Variants in UNC5D observed in about 807,000 individuals in gnomAD.
UNC5D encodes the protein unc-5 netrin receptor D, also known as netrin receptor UNC5D.
In UNC5D, 39 loss-of-function variants were observed where a neutral mutation model predicts 105.4. That is an observed-to-expected ratio of 0.37 (90% CI 0.29 to 0.48). UNC5D has a LOEUF of 0.48. Among genes scored for constraint, UNC5D ranks in the 20% least tolerant of loss-of-function variants. The pLI is 0.98. For synonymous variants in UNC5D, 452 were observed against 450.4 expected, an observed-to-expected ratio of 1.00 and a Z score of -0.04; for missense variants, 991 against 1,202.4, an observed-to-expected ratio of 0.82 and a Z score of 2.60.
chr8:35,494,210 A>C (rs1179453740), intron 1 of UNC5D, among the ~76,000 whole-genome samples: 1 of 152,180 alleles, frequency 6.6e-6, no homozygotes, highest in Non-Finnish European at 1.5e-5. Flanking sequence ...TATAAAGTTA[A>C]AATGATGCTA....
chr8:35,441,554 T>C (rs182467612), intron 1 of UNC5D, among the ~76,000 whole-genome samples: 3 of 151,990 alleles, frequency 2.0e-5, no homozygotes, highest in Non-Finnish European at 2.9e-5. Flanking sequence ...GTGCCTTGAA[T>C]TGTGAACTTT....
At chr8:35,641,173 T>C (rs1413771050) in intron 4 of UNC5D, among the ~76,000 whole-genome samples, 2 of 151,920 alleles carry the variant, frequency 1.3e-5, no homozygotes, top group South Asian at 2.1e-4. Flanking sequence ...TGTGTATATA[T>C]GAATATGACT....
rs192960244 is a variant in UNC5D at position 35,733,472 on chromosome 8, T to C, written c.1766+2376T>C. On this transcript the variant is annotated intron_variant, in intron 11 of 16. Coordinates refer to ENST00000404895, the MANE Select transcript of UNC5D (RefSeq NM_080872.4). ...CTTGTGCTGAGAAGAAGGCCCGTTT[T>C]CCTCGAAGTTCATGGAGCTGGAATG... 3.9e-5 allele frequency among the ~76,000 whole-genome samples: 6 copies of C among 152,290 alleles called. No individual in the cohort carries two copies. In the East Asian group the frequency reaches 9.7e-4, roughly 25 times the overall value.
At chr8:35,783,603 C>T (rs756824211) in intron 16 of UNC5D, among the ~76,000 whole-genome samples, 2 of 152,124 alleles carry the variant, frequency 1.3e-5, no homozygotes, top group African/African-American at 2.4e-5. Context: ...TAAGACAGAG[C>T]CTGAGCCCTG....
At chr8:35,759,249 C>A in intron 13 of UNC5D, 71 bp from the exon 14 acceptor site, 1 of 1,555,236 alleles carries the variant, frequency 6.4e-7, no homozygotes, top group Non-Finnish European at 8.8e-7. Flanking sequence ...GCATGTGTAT[C>A]CCTAGATAGG....
At chr8:35,686,514 T>C (rs757766417) in intron 6 of UNC5D, 31 bp from the exon 7 acceptor site, 8 of 1,534,534 alleles carry the variant, frequency 5.2e-6, no homozygotes, top group Middle Eastern at 1.8e-4. Flanking sequence ...TGATTCATTC[T>C]AACAATGGTT....
At chr8:35,305,148 A>G (rs916175494) in intron 1 of UNC5D, among the ~76,000 whole-genome samples, 51 of 152,126 alleles carry the variant, frequency 3.4e-4, no homozygotes, top group African/African-American at 1.2e-3. Flanking sequence ...AATATTTGAA[A>G]ACATATGAAA....
In UNC5D at chr8:35,791,852, A is replaced by G. The variant is rs1227587154; in HGVS notation, c.*1289A>G. The G allele has an allele frequency of 6.6e-6, 1 of 152,056 alleles. No homozygotes were observed. Among genetic ancestry groups the G allele is most frequent in the East Asian group, 1.9e-4 (1 of 5,190 alleles). The allele number at this position is 152,056 out of a possible 1,614,324, so 9.4% of individuals were successfully genotyped here. A position where few individuals can be genotyped will look rare whatever the true frequency, so the allele number is the denominator to read the frequency against. ...GATTTTTTTTTTTACATTAGGAGGC[A>G]GTGATATTGTGGAAGATTGAAATCC... On this transcript the variant is annotated 3_prime_UTR_variant, in exon 17 of 17. Coordinates refer to ENST00000404895, the MANE Select transcript of UNC5D (RefSeq NM_080872.4).
At chr8:35,633,420 C>T (rs1350485478) in intron 4 of UNC5D, among the ~76,000 whole-genome samples, 2 of 151,986 alleles carry the variant, frequency 1.3e-5, no homozygotes, top group Non-Finnish European at 2.9e-5. Context: ...TTCTTTTAGC[C>T]TCTTTTTTTA....
intron 3 of UNC5D, among the ~76,000 whole-genome samples, chr8:35,572,009 G>A (rs146138648): frequency 4.7e-4 from 71 of 152,160 alleles, no homozygotes; most frequent in Middle Eastern, 6.8e-3. Context: ...GCCATGGGCC[G>A]GGTACAGTGG....
chr8:35,401,132 A>C (rs913782044), intron 1 of UNC5D, among the ~76,000 whole-genome samples: 11 of 152,270 alleles, frequency 7.2e-5, no homozygotes, highest in Non-Finnish European at 1.6e-4. Context: ...AAAAGGAAAC[A>C]GTCCATTTAA....
chr8:35,261,486 C>A (rs544135227), intron 1 of UNC5D, among the ~76,000 whole-genome samples: 11 of 152,240 alleles, frequency 7.2e-5, no homozygotes, highest in South Asian at 6.2e-4. Context: ...GTGCATGTGG[C>A]ATAAATAGAA....
intron 2 of UNC5D, among the ~76,000 whole-genome samples, chr8:35,553,728 AT>A (rs1459702939): frequency 6.6e-6 from 1 of 152,164 alleles, no homozygotes; most frequent in Non-Finnish European, 1.5e-5. Context: ...CCTAAATGCA[AT>A]TTAGGGTGGA....
intron 4 of UNC5D, among the ~76,000 whole-genome samples, chr8:35,662,466 GA>G (rs575778989): frequency 3.1e-4 from 47 of 151,866 alleles, no homozygotes; most frequent in Middle Eastern, 3.4e-3. Context: ...AAAAAACAAA[GA>G]AAAAAAATGA....
chr8:35,267,372 C>T (rs1220865657), intron 1 of UNC5D, among the ~76,000 whole-genome samples: 4 of 152,084 alleles, frequency 2.6e-5, no homozygotes, highest in Non-Finnish European at 5.9e-5. Flanking sequence ...AAGAACAAGA[C>T]TGTTAAATTA....
intron 1 of UNC5D, among the ~76,000 whole-genome samples, chr8:35,533,739 T>G (rs1266434476): frequency 1.3e-5 from 2 of 152,222 alleles, no homozygotes; most frequent in Non-Finnish European, 2.9e-5. Context: ...GTGTGGGATA[T>G]AATCTCGTGG....
At chr8:35,375,386 A>AGAAGGAG (rs1194329961) in intron 1 of UNC5D, among the ~76,000 whole-genome samples, 2 of 152,178 alleles carry the variant, frequency 1.3e-5, no homozygotes, top group African/African-American at 4.8e-5. Context: ...AGGAGAGAGA[A>AGAAGGAG]GAAAAAGAAT....
chr8:35,408,798 A>G (rs1375721553), intron 1 of UNC5D, among the ~76,000 whole-genome samples: 1 of 151,958 alleles, frequency 6.6e-6, no homozygotes, highest in East Asian at 1.9e-4. Flanking sequence ...ACAAATGTCC[A>G]TGGCCTTAAG....
At chr8:35,253,059 G>C (rs1803819224) in intron 1 of UNC5D, among the ~76,000 whole-genome samples, 1 of 151,432 alleles carries the variant, frequency 6.6e-6, no homozygotes, top group African/African-American at 2.4e-5. Flanking sequence ...TTTTTTGTTT[G>C]TCATCATTGA....
Sources: allele counts gnomAD v4.1 joint callset (sites outside exome capture counted in the v4.1 genomes callset), GRCh38; gene constraint gnomAD v4.1.1; transcripts MANE v1.5; gene names NCBI Gene and HGNC (gene_info 2026-07-23, HGNC 2026-07-21).